SPON1: variants seen among roughly 807,000 people sequenced by gnomAD.
The protein encoded by SPON1 is spondin 1.
A neutral mutation model predicts 111.7 loss-of-function variants in SPON1; 52 were observed. The ratio of observed to expected loss-of-function variants is 0.47; its 90% CI spans 0.37 to 0.59. SPON1 has a LOEUF of 0.59. Among genes scored for constraint, SPON1 ranks in the 20% least tolerant of loss-of-function variants. The pLI is 0.00. For missense variants in SPON1, 957 were observed against 1,068.5 expected, an observed-to-expected ratio of 0.90 and a Z score of 1.46; for synonymous variants, 410 against 395.8, an observed-to-expected ratio of 1.04 and a Z score of -0.43.
At chr11:13,972,816 T>C (rs1291203142) in intron 1 of SPON1, among the ~76,000 whole-genome samples, 1 of 152,190 alleles carries the variant, frequency 6.6e-6, no homozygotes, top group Non-Finnish European at 1.5e-5. Context: ...CTGCAAGTGA[T>C]AGGAACAAAG....
chr11:14,048,993 G>C (rs920028587), intron 3 of SPON1, among the ~76,000 whole-genome samples: 1 of 152,208 alleles, frequency 6.6e-6, no homozygotes, highest in African/African-American at 2.4e-5. Context: ...TAAGAGACAA[G>C]AGCCAGGCAC....
intron 7 of SPON1, among the ~76,000 whole-genome samples, chr11:14,248,778 C>T (rs936965167): frequency 1.3e-5 from 2 of 152,180 alleles, no homozygotes; most frequent in Admixed American, 6.5e-5. Flanking sequence ...AGGTCCTGCC[C>T]GTTGAAACTG....
chr11:13,992,412 A>G (rs1848238018), intron 2 of SPON1, among the ~76,000 whole-genome samples: 1 of 152,066 alleles, frequency 6.6e-6, no homozygotes. Flanking sequence ...TCCTCCACCA[A>G]GCTCGAGCGT....
chr11:14,256,457 A>G (rs1849109438), intron 9 of SPON1, among the ~76,000 whole-genome samples, 160 bp from the exon 10 acceptor site: 1 of 152,136 alleles, frequency 6.6e-6, no homozygotes, highest in African/African-American at 2.4e-5. Context: ...CTTTCTTGGC[A>G]TTTCTTTCTC....
At chr11:14,132,128 A>G (rs564640662) in intron 5 of SPON1, among the ~76,000 whole-genome samples, 1 of 152,170 alleles carries the variant, frequency 6.6e-6, no homozygotes, top group Non-Finnish European at 1.5e-5. Context: ...AATACAAAAA[A>G]TTAGCTGGGC....
intron 7 of SPON1, among the ~76,000 whole-genome samples, chr11:14,249,668 G>C (rs1849032203): frequency 6.6e-6 from 1 of 151,650 alleles, no homozygotes; most frequent in Non-Finnish European, 1.5e-5. Context: ...TTTAGGAGGG[G>C]ATGGTAAGTC....
At chr11:14,232,895 A>T (rs1334130644) in intron 6 of SPON1, among the ~76,000 whole-genome samples, 2 of 151,824 alleles carry the variant, frequency 1.3e-5, no homozygotes. Context: ...AGCACATGGC[A>T]GGGGGGGCAG....
intron 6 of SPON1, among the ~76,000 whole-genome samples, chr11:14,160,287 T>TGAA (rs1366379750): frequency 1.8e-5 from 2 of 113,990 alleles, no homozygotes; most frequent in African/African-American, 6.2e-5. Flanking sequence ...TGAAAAAAGT[T>TGAA]GAAAATATCA....
chr11:14,264,817 G>A (rs1591432712), intron 15 of SPON1, among the ~76,000 whole-genome samples: 1 of 152,192 alleles, frequency 6.6e-6, no homozygotes, highest in African/African-American at 2.4e-5. Flanking sequence ...TGGGGTCAGG[G>A]AAGTTTTCTT....
At chr11:14,242,469 A>G (rs551273785) in intron 6 of SPON1, among the ~76,000 whole-genome samples, 13 of 152,300 alleles carry the variant, frequency 8.5e-5, no homozygotes, top group South Asian at 2.1e-4. Context: ...GAAAGGGGCC[A>G]TACAGGACCA....
chr11:13,989,920 A>C (rs1334409750), intron 2 of SPON1, among the ~76,000 whole-genome samples: 6 of 152,110 alleles, frequency 3.9e-5, no homozygotes, highest in Admixed American at 6.6e-5. Context: ...ACAGTTTGCT[A>C]TGATTTCTAT....
At chr11:14,233,521 C>A (rs1253245763) in intron 6 of SPON1, among the ~76,000 whole-genome samples, 1 of 152,236 alleles carries the variant, frequency 6.6e-6, no homozygotes, top group Non-Finnish European at 1.5e-5. Flanking sequence ...TCTGGGAGGG[C>A]AGCCAAGGCC....
intron 5 of SPON1, among the ~76,000 whole-genome samples, chr11:14,133,250 T>C (rs997149490): frequency 6.6e-6 from 1 of 152,318 alleles, no homozygotes; most frequent in South Asian, 2.1e-4. Flanking sequence ...TCCCATTTGA[T>C]TGTTTGGATG....
intron 2 of SPON1, among the ~76,000 whole-genome samples, chr11:14,026,232 G>A (rs1848517158): frequency 6.6e-6 from 1 of 152,194 alleles, no homozygotes; most frequent in African/African-American, 2.4e-5. Context: ...TATTTGATTT[G>A]TTTTGCAAGT....
intron 15 of SPON1, 105 bp downstream of exon 15, chr11:14,263,080 GGA>G (rs1554942096): frequency 8.7e-7 from 1 of 1,144,670 alleles, no homozygotes; most frequent in East Asian, 2.6e-5. Flanking sequence ...AAAAAGTCGG[GGA>G]GAGTCTGCAT....
chr11:14,004,365 T>C (rs567121078), intron 2 of SPON1, among the ~76,000 whole-genome samples: 1 of 152,302 alleles, frequency 6.6e-6, no homozygotes, highest in South Asian at 2.1e-4. Context: ...AGAAGTCGGA[T>C]TGCTGTATCA....
intron 6 of SPON1, among the ~76,000 whole-genome samples, chr11:14,189,786 T>A (rs1450009127): frequency 6.6e-6 from 1 of 152,208 alleles, no homozygotes; most frequent in African/African-American, 2.4e-5. Flanking sequence ...AGTCTCCAAG[T>A]CTTTCAGTCT....
At chr11:14,057,857 T>C (rs1848758757) in intron 3 of SPON1, among the ~76,000 whole-genome samples, 1 of 89,868 alleles carries the variant, frequency 1.1e-5, no homozygotes, top group Non-Finnish European at 2.7e-5. Flanking sequence ...AACAAAAACT[T>C]AAAAATAAAA....
At chr11:14,254,384 G>A (rs1554940942) in intron 7 of SPON1, 144 bp from the exon 8 acceptor site, 3 of 724,758 alleles carry the variant, frequency 4.1e-6, no homozygotes, top group Non-Finnish European at 6.7e-6. Flanking sequence ...TAAACCCACA[G>A]TGGCCAAAGG....
Sources: allele counts gnomAD v4.1 joint callset (sites outside exome capture counted in the v4.1 genomes callset), GRCh38; gene constraint gnomAD v4.1.1; transcripts MANE v1.5; gene names NCBI Gene and HGNC (gene_info 2026-07-23, HGNC 2026-07-21).